SEZ6L: variants seen among roughly 807,000 people sequenced by gnomAD.
SEZ6L encodes the protein seizure 6-like protein.
SEZ6L carries 37 observed loss-of-function variants against 106.2 expected under a neutral mutation model. The ratio of observed to expected loss-of-function variants is 0.35; its 90% CI spans 0.27 to 0.46. SEZ6L has a LOEUF of 0.46. Among genes scored for constraint, SEZ6L ranks in the 20% least tolerant of loss-of-function variants. The pLI is 1.00. For missense variants in SEZ6L, 1,172 were observed against 1,332.8 expected (o/e 0.88, Z 1.88); for synonymous variants, 541 against 570.4 (o/e 0.95, Z 0.73).
intron 9 of SEZ6L, 143 bp from the exon 10 acceptor site, chr22:26,340,293 T>C: frequency 1.4e-6 from 1 of 709,302 alleles, no homozygotes; most frequent in Non-Finnish European, 2.3e-6. Context: ...AATCTTACCC[T>C]CAGCTTGGGG....
intron 1 of SEZ6L, among the ~76,000 whole-genome samples, chr22:26,180,013 C>T (rs1447115335): frequency 3.3e-5 from 5 of 152,244 alleles, no homozygotes; most frequent in Non-Finnish European, 7.4e-5. Flanking sequence ...GGCTCATGGC[C>T]GCCATATTGG....
chr22:26,175,508 A>G (rs1938918776), intron 1 of SEZ6L, among the ~76,000 whole-genome samples: 1 of 152,214 alleles, frequency 6.6e-6, no homozygotes, highest in South Asian at 2.1e-4. Flanking sequence ...TAATGTGCAG[A>G]TAGTCTGGAT....
chr22:26,329,396 A>G (rs2082413522), intron 9 of SEZ6L, among the ~76,000 whole-genome samples: 1 of 152,136 alleles, frequency 6.6e-6, no homozygotes, highest in Non-Finnish European at 1.5e-5. Context: ...TGAACCCAGG[A>G]GGCGGAGGTT....
intron 12 of SEZ6L, 133 bp from the exon 13 acceptor site, chr22:26,365,239 A>T: frequency 1.5e-6 from 1 of 680,552 alleles, no homozygotes; most frequent in Non-Finnish European, 2.5e-6. Context: ...AATAGAAAAC[A>T]GTCTGATGCA....
intron 13 of SEZ6L, among the ~76,000 whole-genome samples, 166 bp from the exon 14 acceptor site, chr22:26,373,285 A>T (rs1411350382): frequency 6.6e-6 from 1 of 152,234 alleles, no homozygotes; most frequent in African/African-American, 2.4e-5. Flanking sequence ...GGAAGTGAAT[A>T]GTCCAGGCAC....
chr22:26,249,011 T>C (rs925459416), intron 1 of SEZ6L, among the ~76,000 whole-genome samples: 1 of 152,222 alleles, frequency 6.6e-6, no homozygotes, highest in African/African-American at 2.4e-5. Context: ...ATCTTCTGGT[T>C]GCACTAAAAC....
chr22:26,195,719 A>G (rs1940531659), intron 1 of SEZ6L, among the ~76,000 whole-genome samples: 1 of 152,028 alleles, frequency 6.6e-6, no homozygotes, highest in African/African-American at 2.4e-5. Flanking sequence ...ATGTGTGTGT[A>G]TGTATACGTA....
intron 1 of SEZ6L, among the ~76,000 whole-genome samples, chr22:26,240,094 A>ACACACT (rs2079076672): frequency 3.1e-5 from 4 of 130,576 alleles, no homozygotes; most frequent in African/African-American, 8.8e-5. Context: ...ACACACACTC[A>ACACACT]CACACACACA....
At chr22:26,199,924 G>A (rs1196589099) in intron 1 of SEZ6L, among the ~76,000 whole-genome samples, 1 of 152,244 alleles carries the variant, frequency 6.6e-6, no homozygotes, top group East Asian at 1.9e-4. Context: ...TTTATCAGGA[G>A]TAAGGTGCTT....
chr22:26,248,051 G>A (rs577935444), intron 1 of SEZ6L, among the ~76,000 whole-genome samples: 2 of 152,310 alleles, frequency 1.3e-5, no homozygotes, highest in South Asian at 2.1e-4. Context: ...AGCCAGACTG[G>A]ACAAAGAGTT....
intron 1 of SEZ6L, among the ~76,000 whole-genome samples, chr22:26,215,155 T>C (rs1436225357): frequency 6.6e-6 from 1 of 152,258 alleles, no homozygotes; most frequent in African/African-American, 2.4e-5. Flanking sequence ...TGTAATTTAC[T>C]TAAATTTATT....
intron 1 of SEZ6L, among the ~76,000 whole-genome samples, chr22:26,258,944 A>G (rs1054019460): frequency 2.6e-5 from 4 of 152,192 alleles, no homozygotes; most frequent in South Asian, 2.1e-4. Flanking sequence ...TTTTGGAGGG[A>G]GAGATTGGAG....
chr22:26,316,871 G>GGAAA lies in SEZ6L; in HGVS notation c.2015+2988_2015+2991dup, dbSNP rs142661944. ...AGAAAGAGAGAGAGAGAAAGAAGAA[G>GGAAA]GAAAGAAAGAAAGAAAGAAAGAGAA... is the stretch of plus-strand genomic sequence containing the variant. On this transcript the variant is annotated intron_variant, in intron 9 of 16. Transcript: ENST00000248933. Among the ~76,000 whole-genome samples the GGAAA allele has an allele frequency of 8.3e-4, 97 of 116,790 alleles. 1 individual carries two copies. The highest frequency in any genetic ancestry group is 1.4e-3 in the East Asian group (6 of 4,414). 76.6% of individuals were successfully genotyped at this position (116,790 alleles called of 152,430 possible). A position where few individuals can be genotyped will look rare whatever the true frequency, so the allele number is the denominator to read the frequency against.
Position 26,310,828 on chromosome 22 carries a change from G to C in SEZ6L, c.1673G>C (p.Arg558Pro). ...QARAASTFNI[R>P]FEAFEKGHCY... ...CGGGCGGCCTCCACCTTCAACATCC[G>C]ATTTGAAGGTGAGGGTCCCTGGGAG... Residue 558 changes from arginine to proline, a missense_variant, in exon 7 of 17, where the codon CGA becomes CCA. Physicochemically the swap from Arg to Pro is moderately radical, Grantham distance 103. Transcript: ENST00000248933. The C allele has an allele frequency of 1.2e-6, 2 of 1,613,774 alleles. No homozygotes were observed. Among genetic ancestry groups the C allele is most frequent in the Non-Finnish European group, 1.7e-6 (2 of 1,179,920 alleles).
intron 12 of SEZ6L, among the ~76,000 whole-genome samples, chr22:26,365,163 C>T (rs1251943778): frequency 6.6e-6 from 1 of 152,232 alleles, no homozygotes; most frequent in African/African-American, 2.4e-5. Context: ...CCTCAGCCAA[C>T]TTCATTCTAC....
chr22:26,364,086 A>C (rs969756669), intron 12 of SEZ6L, among the ~76,000 whole-genome samples: 3 of 152,238 alleles, frequency 2.0e-5, no homozygotes, highest in Non-Finnish European at 4.4e-5. Flanking sequence ...ACAATGTAAA[A>C]GTACACTAAC....
chr22:26,278,159 G>A (rs953809553), intron 1 of SEZ6L, among the ~76,000 whole-genome samples: 13 of 152,284 alleles, frequency 8.5e-5, no homozygotes, highest in African/African-American at 2.9e-4. Context: ...GGGAAGGGGC[G>A]GTTTAGAACG....
intron 6 of SEZ6L, among the ~76,000 whole-genome samples, chr22:26,307,054 G>A (rs2081653394): frequency 6.6e-6 from 1 of 152,184 alleles, no homozygotes; most frequent in African/African-American, 2.4e-5. Flanking sequence ...TTAATAAGCG[G>A]GTGACTGCTG....
chr22:26,192,579 G>T (rs1358528781), intron 1 of SEZ6L, among the ~76,000 whole-genome samples: 1 of 152,114 alleles, frequency 6.6e-6, no homozygotes, highest in Non-Finnish European at 1.5e-5. Flanking sequence ...TTGATATAAC[G>T]GTATGTTGTG....
Sources: allele counts gnomAD v4.1 joint callset (sites outside exome capture counted in the v4.1 genomes callset), GRCh38; gene constraint gnomAD v4.1.1; transcripts MANE v1.5; gene names NCBI Gene and HGNC (gene_info 2026-07-23, HGNC 2026-07-21).